Variants in CLSTN2 observed in about 807,000 individuals in gnomAD.
The protein encoded by CLSTN2 is calsyntenin-2.
Under a neutral mutation model 101.2 loss-of-function variants are expected in CLSTN2, and 48 were observed. That is an observed-to-expected ratio of 0.47 (90% CI 0.38 to 0.60). The LOEUF is 0.60. CLSTN2 is among the 20% of genes least tolerant of loss of function. The pLI, the probability that CLSTN2 is intolerant of heterozygous loss-of-function variation, is 0.00. For synonymous variants in CLSTN2, 481 were observed against 463.6 expected (o/e 1.04, Z -0.48); for missense variants, 1,160 against 1,238.2 (o/e 0.94, Z 0.95).
chr3:139,988,628 GC>G (rs1268906359), intron 1 of CLSTN2, among the ~76,000 whole-genome samples: 5 of 152,184 alleles, frequency 3.3e-5, no homozygotes, highest in African/African-American at 1.2e-4. Flanking sequence ...AGAAGCACTT[GC>G]CATGGTCTGT....
chr3:140,120,225 T>A (rs1466360468), intron 1 of CLSTN2, among the ~76,000 whole-genome samples: 1 of 152,142 alleles, frequency 6.6e-6, no homozygotes, highest in African/African-American at 2.4e-5. Flanking sequence ...CCCACTTCAA[T>A]TTGGAGTTTC....
At chr3:140,395,708 CA>C (rs2088174590) in intron 2 of CLSTN2, among the ~76,000 whole-genome samples, 1 of 152,176 alleles carries the variant, frequency 6.6e-6, no homozygotes, top group Non-Finnish European at 1.5e-5. Context: ...ATATTCTGGA[CA>C]TGATTACCTC....
chr3:140,237,275 G>A (rs970734452), intron 2 of CLSTN2, among the ~76,000 whole-genome samples: 12 of 152,078 alleles, frequency 7.9e-5, no homozygotes, highest in Admixed American at 2.0e-4. Context: ...CACTACTGAC[G>A]CAATACTCCA....
chr3:140,254,947 TAAATC>T (rs2086593201), intron 2 of CLSTN2, among the ~76,000 whole-genome samples: 1 of 151,958 alleles, frequency 6.6e-6, no homozygotes, highest in Admixed American at 6.6e-5. Flanking sequence ...ATAAGAAACT[TAAATC>T]AACAAACAAA....
chr3:140,520,743 C>T (rs929380309), intron 8 of CLSTN2, among the ~76,000 whole-genome samples: 10 of 152,142 alleles, frequency 6.6e-5, no homozygotes. Context: ...GGATGATATC[C>T]TCAAGTATGT....
intron 1 of CLSTN2, among the ~76,000 whole-genome samples, chr3:139,960,814 C>T (rs1935495479): frequency 6.6e-6 from 1 of 152,178 alleles, no homozygotes; most frequent in African/African-American, 2.4e-5. Flanking sequence ...GGCAGGATCT[C>T]CTCAGTGTGT....
chr3:140,329,517 G>A (rs1186642046), intron 2 of CLSTN2, among the ~76,000 whole-genome samples: 1 of 152,034 alleles, frequency 6.6e-6, no homozygotes, highest in Non-Finnish European at 1.5e-5. Flanking sequence ...TGTGTACCAG[G>A]CATTCACAGA....
chr3:140,473,904 C>A (rs12639527), intron 8 of CLSTN2, among the ~76,000 whole-genome samples: 12,309 of 152,052 alleles, frequency 0.081, 647 homozygotes, highest in East Asian at 0.12. Context: ...ACTACAGGCA[C>A]CCGCTACCAC....
intron 1 of CLSTN2, among the ~76,000 whole-genome samples, chr3:140,154,561 T>C: frequency 6.6e-6 from 1 of 151,382 alleles, no homozygotes; most frequent in East Asian, 1.9e-4. Context: ...TCCGGAAACT[T>C]ACCATCATGG....
chr3:140,013,914 C>T (rs1275765085), intron 1 of CLSTN2, among the ~76,000 whole-genome samples: 1 of 152,144 alleles, frequency 6.6e-6, no homozygotes, highest in Non-Finnish European at 1.5e-5. Context: ...TCTTCCTCCC[C>T]AGGTATTTCT....
At chr3:140,329,232 C>CA (rs2087359305) in intron 2 of CLSTN2, among the ~76,000 whole-genome samples, 1 of 152,012 alleles carries the variant, frequency 6.6e-6, no homozygotes, top group African/African-American at 2.4e-5. Flanking sequence ...ACTGAAAATA[C>CA]AAAAAAGTTA....
intron 2 of CLSTN2, among the ~76,000 whole-genome samples, chr3:140,264,630 C>T (rs1381518795): frequency 1.3e-5 from 2 of 151,898 alleles, no homozygotes; most frequent in South Asian, 4.2e-4. Context: ...ATAGCAAGAA[C>T]TGGCTATAGT....
chr3:140,388,683 A>G (rs112608217), intron 2 of CLSTN2, among the ~76,000 whole-genome samples: 3 of 152,196 alleles, frequency 2.0e-5, no homozygotes, highest in Non-Finnish European at 4.4e-5. Flanking sequence ...TTCTCTGTAT[A>G]ATGGAAGAGA....
intron 1 of CLSTN2, among the ~76,000 whole-genome samples, chr3:139,993,287 G>A (rs1426160578): frequency 6.6e-6 from 1 of 152,098 alleles, no homozygotes; most frequent in Non-Finnish European, 1.5e-5. Context: ...TCTACCTGCA[G>A]AGGTTCTAGC....
intron 8 of CLSTN2, among the ~76,000 whole-genome samples, chr3:140,481,985 G>A (rs1484679739): frequency 6.6e-6 from 1 of 152,154 alleles, no homozygotes; most frequent in Admixed American, 6.5e-5. Flanking sequence ...CCAACACTAT[G>A]TTGAATAGGA....
rs1250003004 is a variant in CLSTN2, at chr3:140,532,345, T to C, written c.1366T>C (p.Tyr456His). 1 of 1,607,846 alleles carries C rather than the reference T, an allele frequency of 6.2e-7. No homozygotes were observed. Among genetic ancestry groups the C allele is most frequent in the African/African-American group, 1.3e-5 (1 of 74,840 alleles). Reference protein sequence around the residue: ...LDQICDKEWHYYVINVEFPVV... With the variant: ...LDQICDKEWHHYVINVEFPVV... ...TTAGATTTGTGACAAAGAGTGGCAC[T>C]ACTATGTCATCAATGTGGAGTTTCC... Residue 456 changes from tyrosine to histidine, a missense_variant, in exon 9 of 17, where the codon TAC becomes CAC. Coordinates refer to ENST00000458420, the MANE Select transcript of CLSTN2 (RefSeq NM_022131.3).
chr3:140,233,403 A>G (rs1434569947), intron 2 of CLSTN2, among the ~76,000 whole-genome samples: 1 of 152,114 alleles, frequency 6.6e-6, no homozygotes, highest in East Asian at 1.9e-4. Flanking sequence ...CCCCATGGCT[A>G]TCTCCATTCC....
intron 2 of CLSTN2, among the ~76,000 whole-genome samples, chr3:140,296,979 T>C (rs2107907143): frequency 6.6e-6 from 1 of 152,334 alleles, no homozygotes; most frequent in East Asian, 1.9e-4. Flanking sequence ...GATGGGTGGA[T>C]GGTCAGACAG....
At chr3:140,506,177 T>C (rs556756374) in intron 8 of CLSTN2, 2 of 152,328 alleles carry the variant, frequency 1.3e-5, no homozygotes, top group East Asian at 3.9e-4. Flanking sequence ...TAGGAAAGAA[T>C]GAAAGGAGAA....
Sources: allele counts gnomAD v4.1 joint callset (sites outside exome capture counted in the v4.1 genomes callset), GRCh38; gene constraint gnomAD v4.1.1; transcripts MANE v1.5; gene names NCBI Gene and HGNC (gene_info 2026-07-23, HGNC 2026-07-21).